Variants in ODAD4 observed in about 807,000 individuals in gnomAD.
The protein encoded by ODAD4 is outer dynein arm docking complex subunit 4.
In ODAD4, 49 loss-of-function variants were observed where a neutral mutation model predicts 51.8. The observed-to-expected ratio is 0.95, with a 90% confidence interval of 0.75 to 1.20. The LOEUF (loss-of-function observed/expected upper bound fraction) is 1.20, where lower values mean the gene tolerates loss of function less well. Among genes scored for constraint, ODAD4 ranks in the 50% most tolerant of loss-of-function variants. ODAD4 has a pLI of 0.00. For synonymous variants in ODAD4, 235 were observed against 221.3 expected (o/e 1.06, Z -0.55); for missense variants, 590 against 586.5 (o/e 1.01, Z -0.06).
chr17:41,939,268 C>A (rs1029758543), intron 7 of ODAD4, 96 bp downstream of exon 7: 2 of 1,204,884 alleles, frequency 1.7e-6, no homozygotes, highest in African/African-American at 3.1e-5. Flanking sequence ...GGCTTGACTC[C>A]CATTTTCTGC....
At chr17:41,945,042 G>A (rs1474230410) in intron 7 of ODAD4, 94 bp from the exon 8 acceptor site, 12 of 986,352 alleles carry the variant, frequency 1.2e-5, no homozygotes, top group Admixed American at 4.3e-5. Context: ...GAGTTTCTGA[G>A]GCCAGGGCTC....
Position 41,962,485 on chromosome 17 carries a change from A to G in ODAD4, c.1528+1019A>G, listed in dbSNP as rs1484471277. On this transcript the variant is annotated intron_variant, in intron 11 of 11. Coordinates refer to ENST00000377540, the MANE Select transcript of ODAD4 (RefSeq NM_031421.5). ...GCCCTACCCCACTGGAGAGGGGCCT[A>G]GAGGAACAGGGGTGTTAAGCGCAGT... Among the ~76,000 whole-genome samples, 3 of 152,310 alleles carry G rather than the reference A, an allele frequency of 2.0e-5. No individual in the cohort carries two copies. In the East Asian group the frequency reaches 5.8e-4, roughly 29 times the overall value.
chr17:41,963,436 C>T (rs1242000982), intron 11 of ODAD4, among the ~76,000 whole-genome samples: 9 of 152,248 alleles, frequency 5.9e-5, no homozygotes, highest in African/African-American at 1.9e-4. Context: ...TCATAGGAAA[C>T]CTCCCAACAA....
rs782324274 is a variant in ODAD4 at position 41,938,614 on chromosome 17, G to C, written c.683G>C (p.Gly228Ala). 8.7e-6 allele frequency: 14 copies of C among 1,613,812 alleles called. No individual in the cohort carries two copies. Among genetic ancestry groups the C allele is most frequent in the Non-Finnish European group, 8.5e-7 (1 of 1,179,894 alleles). The change falls in exon 6 of 12, where the codon GGC (glycine) becomes GCC (alanine). Residue 228 changes from glycine (G) to alanine (A), a missense_variant. Gly to Ala is a moderately conservative substitution (Grantham distance 60). This residue lies in a region of ODAD4 where 360 missense variants were observed against 407.5 expected (regional missense o/e 0.88). Transcript: ENST00000377540. ...GLTVEDLIMTGINYLDTHSNF... is the reference protein window; with the variant it reads ...GLTVEDLIMTAINYLDTHSNF... ...ACTGTGGAGGACCTCATCATGACGG[G>C]CATCAACTACCTGGATACTCACAGC... is the stretch of plus-strand genomic sequence containing the variant.
intron 10 of ODAD4, among the ~76,000 whole-genome samples, chr17:41,959,649 G>A (rs528728917): frequency 4.9e-4 from 74 of 152,280 alleles, no homozygotes; most frequent in African/African-American, 1.7e-3. Context: ...GCTGGTGGCC[G>A]GCAGAAGAGA....
At chr17:41,936,992 T>G in intron 5 of ODAD4, 65 bp downstream of exon 5, 2 of 1,567,764 alleles carry the variant, frequency 1.3e-6, no homozygotes. Flanking sequence ...GCTTCATGCA[T>G]GAGCTGAAGG....
chr17:41,951,593 T>C (rs2050652918), intron 9 of ODAD4, among the ~76,000 whole-genome samples: 1 of 151,258 alleles, frequency 6.6e-6, no homozygotes, highest in Admixed American at 6.6e-5. Context: ...CAGTTAAAAA[T>C]TAGGCTGGGG....
intron 9 of ODAD4, among the ~76,000 whole-genome samples, chr17:41,950,166 C>T (rs1474922681): frequency 6.6e-6 from 1 of 151,968 alleles, no homozygotes; most frequent in Non-Finnish European, 1.5e-5. Flanking sequence ...GACGGGGTTT[C>T]ACCACGTTGG....
chr17:41,934,814 G>A (rs2050401770), intron 1 of ODAD4, among the ~76,000 whole-genome samples: 1 of 152,198 alleles, frequency 6.6e-6, no homozygotes, highest in Non-Finnish European at 1.5e-5. Context: ...ATGATGTGTT[G>A]CCATTTCAGG....
At chr17:41,947,588 G>A (rs1325657883) in intron 8 of ODAD4, among the ~76,000 whole-genome samples, 5 of 150,904 alleles carry the variant, frequency 3.3e-5, no homozygotes, top group South Asian at 4.2e-4. Flanking sequence ...CCTGAGGTCC[G>A]GAGTTCAGAC....
At chr17:41,962,808 C>A (rs1030704205) in intron 11 of ODAD4, among the ~76,000 whole-genome samples, 8 of 152,238 alleles carry the variant, frequency 5.3e-5, no homozygotes, top group Non-Finnish European at 1.2e-4. Context: ...AGAGCTGGGG[C>A]TGGAGGTCCG....
chr17:41,950,239 G>A (rs1281881944), intron 9 of ODAD4, among the ~76,000 whole-genome samples: 1 of 152,158 alleles, frequency 6.6e-6, no homozygotes, highest in East Asian at 1.9e-4. Context: ...CAAAGTGCTG[G>A]GATTACAGGC....
chr17:41,943,261 TA>T (rs2050532030), intron 7 of ODAD4, among the ~76,000 whole-genome samples: 1 of 152,136 alleles, frequency 6.6e-6, no homozygotes, highest in Non-Finnish European at 1.5e-5. Flanking sequence ...TTTATTTTTT[TA>T]AAAAAGAATA....
chr17:41,935,391 A>G, intron 2 of ODAD4, 43 bp downstream of exon 2: 1 of 1,602,908 alleles, frequency 6.2e-7, no homozygotes, highest in Non-Finnish European at 8.5e-7. Context: ...CATTGCCTGT[A>G]GCAACTTCTG....
rs782539801 is a variant in ODAD4 at position 41,965,167 on chromosome 17, G to A, written c.1703G>A (p.Ser568Asn). The stretch of plus-strand genomic sequence containing the variant: ...CAGAGCCCAGCAAGCGGAAAGCAGA[G>A]TGTGGAAGCAGGAAAAGCCAGAAGC... ...ALQSPASGKQ[S>N]VEAGKARSDL... The change falls in exon 12 of 12, where the codon AGT (serine) becomes AAT (asparagine). Residue 568 changes from serine (S) to asparagine (N), a missense_variant. Ser to Asn is a conservative substitution (Grantham distance 46). Coordinates refer to ENST00000377540, the MANE Select transcript of ODAD4 (RefSeq NM_031421.5). 12 of 773,504 alleles carry A rather than the reference G, an allele frequency of 1.6e-5. No individual in the cohort carries two copies. The highest frequency in any genetic ancestry group is 2.4e-5 in the Non-Finnish European group (10 of 414,716). The allele number at this position is 773,504 out of a possible 1,614,324, so 47.9% of individuals were successfully genotyped here.
Position 41,955,293 on chromosome 17 carries a change from C to T in ODAD4, c.1419C>T (p.Asn473=), listed in dbSNP as rs374922478. 81 of 779,410 alleles carry T rather than the reference C, an allele frequency of 1.0e-4. No individual in the cohort carries two copies. Among genetic ancestry groups the T allele is most frequent in the African/African-American group, 7.3e-4 (43 of 59,222 alleles). The allele number at this position is 779,410 out of a possible 1,614,324, so 48.3% of individuals were successfully genotyped here. A position where few individuals can be genotyped will look rare whatever the true frequency, so the allele number is the denominator to read the frequency against. ...AGAGAGCAAAGCTTGTGCATAACAA[C>T]GAGGCGCAGCAGGCCATCATCAGTG... ...ALERAKLVHN[N]EAQQAIISAL... Residue 473 remains asparagine (N), a synonymous_variant, in exon 10 of 12, where the codon AAC becomes AAT. Transcript: ENST00000377540.
intron 1 of ODAD4, among the ~76,000 whole-genome samples, chr17:41,932,671 A>T (rs546134951): frequency 1.3e-5 from 2 of 151,976 alleles, no homozygotes; most frequent in Admixed American, 1.3e-4. Flanking sequence ...TAGTGTTCCA[A>T]GTAGCTGGAG....
chr17:41,930,881 C>CTTTTTTTTTTTTTTTTTTTTTTTTTTTT (rs782820445), intron 1 of ODAD4, 44 bp downstream of exon 1: 2 of 90,890 alleles, frequency 2.2e-5, no homozygotes, highest in African/African-American at 1.7e-4. Flanking sequence ...TCACCCGTCA[C>CTTTTTTTTTTTTTTTTTTTTTTTTTTTT]TTTTTTTTTT....
chr17:41,932,355 A>C (rs1044937864), intron 1 of ODAD4, among the ~76,000 whole-genome samples: 3 of 151,892 alleles, frequency 2.0e-5, no homozygotes, highest in Non-Finnish European at 4.4e-5. Context: ...ACAGGCGTGA[A>C]CCACCCCACC....
Sources: gnomAD v4.1 joint callset for allele counts (sites outside exome capture counted in the v4.1 genomes callset) on GRCh38, gnomAD v4.1.1 for gene constraint, gnomAD v4.1.1 regional missense constraint, MANE v1.5 for transcripts, NCBI Gene and HGNC (gene_info 2026-07-23, HGNC 2026-07-21) for gene names.